Variants in SH3KBP1 observed in about 807,000 individuals in gnomAD.
SH3KBP1 encodes SH3 domain-containing kinase-binding protein 1.
A neutral mutation model predicts 50.1 loss-of-function variants in SH3KBP1; 8 were observed. The ratio of observed to expected loss-of-function variants is 0.16; its 90% CI spans 0.09 to 0.29. SH3KBP1 has a LOEUF of 0.29. Ranked by LOEUF, SH3KBP1 falls within the 10% of genes least tolerant of loss-of-function variation. SH3KBP1 has a pLI of 1.00. For missense variants in SH3KBP1, 377 were observed against 535.2 expected, an observed-to-expected ratio of 0.70 and a Z score of 2.92; for synonymous variants, 227 against 218.6, an observed-to-expected ratio of 1.04 and a Z score of -0.34.
chrX:19,882,471 G>A (rs2069464431), intron 1 of SH3KBP1, among the ~76,000 whole-genome samples: 1 of 111,352 alleles, frequency 9.0e-6, no homozygotes, highest in African/African-American at 3.3e-5. Context: ...GAGCTGCCCA[G>A]CCGTTGCTGG....
At chrX:19,862,122 T>G (rs1466024348) in intron 1 of SH3KBP1, among the ~76,000 whole-genome samples, 1 of 112,074 alleles carries the variant, frequency 8.9e-6, no homozygotes, top group East Asian at 2.8e-4. Context: ...ATGATCTTGA[T>G]CTCACCTGTT....
rs3747357 is a variant in SH3KBP1 at position 19,607,959 on chromosome X, C to T, written c.984G>A (p.Pro328=). 10,967 of 1,207,757 alleles carry T rather than the reference C, an allele frequency of 9.1e-3. 539 individuals carry two copies. The African/African-American group carries it at 0.15, about 17-fold the overall frequency. Residue 328 remains proline (P), a synonymous_variant, in exon 9 of 18, where the codon CCG becomes CCA. Transcript: ENST00000397821. ...TTACATTCCCTTCCTTTTCAAAGTC[C>T]GGTGGAAGTAACTTCACGAAGTTAT... The part of the protein sequence containing the change: ...FPDNFVKLLP[P]DFEKEGNRPK...
chrX:19,770,697 A>T (rs1344649860), intron 2 of SH3KBP1, among the ~76,000 whole-genome samples: 1 of 109,215 alleles, frequency 9.2e-6, no homozygotes, highest in Non-Finnish European at 1.9e-5. Flanking sequence ...TAACCTTACC[A>T]GCATGTTATT....
chrX:19,631,831 C>T (rs754473840), intron 8 of SH3KBP1, 33 bp downstream of exon 8: 5 of 1,006,223 alleles, frequency 5.0e-6, no homozygotes, highest in Non-Finnish European at 4.2e-6. Context: ...AAGCAGTTCG[C>T]GATTTAGAAG....
chrX:19,603,464 G>A lies in SH3KBP1; in HGVS notation c.1005+4474C>T, dbSNP rs188370229. ...TAAGTCTCTGTGACTCAGCAAAGGCGAGCCTGCATCATACTCACAGGGACA... is the reference window on the plus strand; with the variant it reads ...TAAGTCTCTGTGACTCAGCAAAGGCAAGCCTGCATCATACTCACAGGGACA... On this transcript the variant is annotated intron_variant, in intron 9 of 17. Coordinates refer to ENST00000397821, the MANE Select transcript of SH3KBP1 (RefSeq NM_031892.3). 2.1e-4 allele frequency among the ~76,000 whole-genome samples: 23 copies of A among 112,033 alleles called. No individual in the cohort carries two copies. The East Asian group carries it at 5.1e-3, about 25-fold the overall frequency.
chrX:19,748,866 C>T (rs1429018138), intron 2 of SH3KBP1, among the ~76,000 whole-genome samples: 1 of 111,074 alleles, frequency 9.0e-6, no homozygotes, highest in African/African-American at 3.3e-5. Flanking sequence ...CAGTATTATC[C>T]CCCTATCTAA....
intron 8 of SH3KBP1, 48 bp downstream of exon 8, chrX:19,631,816 C>T: frequency 1.1e-6 from 1 of 879,761 alleles, no homozygotes; most frequent in South Asian, 2.2e-5. Context: ...CCAGTCAACA[C>T]CCCAAAGCAG....
intron 6 of SH3KBP1, among the ~76,000 whole-genome samples, chrX:19,681,258 T>C (rs1042772290): frequency 8.0e-5 from 9 of 112,400 alleles, no homozygotes; most frequent in African/African-American, 2.9e-4. Context: ...TAACACTTCA[T>C]GGCACCAATA....
intron 13 of SH3KBP1, among the ~76,000 whole-genome samples, chrX:19,554,384 T>C (rs1369034252): frequency 1.0e-5 from 1 of 97,202 alleles, no homozygotes; most frequent in Admixed American, 1.3e-4. Context: ...ATAATATATA[T>C]CATATTAAAA....
chrX:19,699,386 T>C (rs1340495018), intron 4 of SH3KBP1, among the ~76,000 whole-genome samples: 2 of 112,717 alleles, frequency 1.8e-5, no homozygotes, highest in Non-Finnish European at 3.8e-5. Context: ...GCAGATGCCG[T>C]TCCCCACTCA....
intron 7 of SH3KBP1, among the ~76,000 whole-genome samples, chrX:19,641,372 C>G (rs2061852547): frequency 8.9e-6 from 1 of 112,387 alleles, no homozygotes; most frequent in African/African-American, 3.2e-5. Flanking sequence ...AGCTGGTGTT[C>G]TGAACATACT....
chrX:19,758,827 T>C (rs1392520661), intron 2 of SH3KBP1, among the ~76,000 whole-genome samples: 3 of 111,536 alleles, frequency 2.7e-5, no homozygotes, highest in Non-Finnish European at 5.6e-5. Context: ...TCCTTATGTC[T>C]AGCCCCAAGA....
intron 13 of SH3KBP1, among the ~76,000 whole-genome samples, chrX:19,567,547 A>ATATATATATATAT (rs1569292993): frequency 1.4e-5 from 1 of 73,499 alleles, no homozygotes; most frequent in African/African-American, 7.0e-5. Flanking sequence ...AAAAAAAAAA[A>ATATATATATATAT]AAAAAAAAAA....
intron 6 of SH3KBP1, among the ~76,000 whole-genome samples, chrX:19,657,988 GTGGTGA>G (rs2062335672): frequency 9.0e-6 from 1 of 110,723 alleles, no homozygotes; most frequent in Non-Finnish European, 1.9e-5. Flanking sequence ...GAGATGGATG[GTGGTGA>G]TGGTTGCACA....
intron 2 of SH3KBP1, among the ~76,000 whole-genome samples, chrX:19,776,180 A>G (rs1301623187): frequency 8.9e-6 from 1 of 111,866 alleles, no homozygotes; most frequent in Admixed American, 9.5e-5. Flanking sequence ...AGAAGTCTCA[A>G]AATAACATGT....
intron 1 of SH3KBP1, among the ~76,000 whole-genome samples, chrX:19,879,416 C>T (rs1220880022): frequency 1.8e-5 from 2 of 111,430 alleles, no homozygotes; most frequent in African/African-American, 6.5e-5. Flanking sequence ...CACTCTGCCT[C>T]TCTGAGGCTC....
chrX:19,790,815 A>G (rs1183173440), intron 2 of SH3KBP1, among the ~76,000 whole-genome samples: 1 of 110,697 alleles, frequency 9.0e-6, no homozygotes, highest in Non-Finnish European at 1.9e-5. Flanking sequence ...CAAATGACCT[A>G]TGCTTCTATT....
chrX:19,819,188 T>G (rs777331928), intron 2 of SH3KBP1, among the ~76,000 whole-genome samples: 1 of 112,275 alleles, frequency 8.9e-6, no homozygotes, highest in South Asian at 3.6e-4. Flanking sequence ...TTGTCAAATG[T>G]ATGTACATAT....
At chrX:19,640,488 CTT>C (rs752769114) in intron 7 of SH3KBP1, among the ~76,000 whole-genome samples, 4 of 100,716 alleles carry the variant, frequency 4.0e-5, no homozygotes, top group Admixed American at 1.1e-4. Context: ...TCTGCAACGA[CTT>C]TTTTTTTTTT....
Sources: allele counts gnomAD v4.1 joint callset (sites outside exome capture counted in the v4.1 genomes callset), GRCh38; gene constraint gnomAD v4.1.1; transcripts MANE v1.5; gene names NCBI Gene and HGNC (gene_info 2026-07-23, HGNC 2026-07-21).